TENM2: variants seen among roughly 807,000 people sequenced by gnomAD.
TENM2 encodes the protein teneurin-2.
A neutral mutation model predicts 245.2 loss-of-function variants in TENM2; 52 were observed. The observed-to-expected ratio is 0.21, with a 90% CI of 0.17 to 0.27. TENM2 has a LOEUF of 0.27. Ranked by LOEUF, TENM2 falls within the 10% of genes least tolerant of loss-of-function variation. The pLI is 1.00. For synonymous variants in TENM2, 1,363 were observed against 1,438.9 expected (o/e 0.95, Z 1.19); for missense variants, 3,046 against 3,666.8 (o/e 0.83, Z 4.37).
chr5:167,829,304 C>T (rs997155596), intron 2 of TENM2, among the ~76,000 whole-genome samples: 1 of 152,328 alleles, frequency 6.6e-6, no homozygotes, highest in East Asian at 1.9e-4. Context: ...GCCTCATGTT[C>T]CTGGCTTGCC....
chr5:167,125,285 T>A, the TENM2 span, among the ~76,000 whole-genome samples: 1 of 152,328 alleles, frequency 6.6e-6, no homozygotes, highest in East Asian at 1.9e-4. Flanking sequence ...TTACAGCCAA[T>A]GGAAGAAGCA....
chr5:167,097,169 T>C, the TENM2 span, among the ~76,000 whole-genome samples: 2 of 152,182 alleles, frequency 1.3e-5, no homozygotes, highest in African/African-American at 2.4e-5. Context: ...GCTAGTCTTG[T>C]GGCCTATTGA....
chr5:168,244,377 C>T lies in TENM2; in HGVS notation c.5521-43C>T. On this transcript the variant is annotated intron_variant, in intron 25 of 28. Transcript: ENST00000518659. This position sits in a 1 kb window ranked among gnomAD's most constrained non-coding sequence, Gnocchi z 4.9. ...CTCCACAGAAGCCTGAGCCGGCATG[C>T]CTGGGTGATGTCTTTCAAACAAGGC... is the stretch of plus-strand genomic sequence containing the variant. The T allele has an allele frequency of 2.8e-6, 4 of 1,442,652 alleles. No homozygotes were observed. Among genetic ancestry groups the T allele is most frequent in the Non-Finnish European group, 3.7e-6 (4 of 1,081,920 alleles). 89.4% of individuals were successfully genotyped at this position (1,442,652 alleles called of 1,614,324 possible).
chr5:167,038,824 T>C, the TENM2 span, among the ~76,000 whole-genome samples: 1 of 152,210 alleles, frequency 6.6e-6, no homozygotes, highest in Non-Finnish European at 1.5e-5. Flanking sequence ...GCTTGGAATC[T>C]CCTTGGACTC....
chr5:168,231,408 A>C (rs747754905), intron 25 of TENM2, among the ~76,000 whole-genome samples: 1 of 152,240 alleles, frequency 6.6e-6, no homozygotes, highest in Admixed American at 6.5e-5. Flanking sequence ...CCAAGAGGCC[A>C]AAAAGGGAAT....
chr5:167,801,992 T>G (rs1369371766), intron 2 of TENM2, among the ~76,000 whole-genome samples: 1 of 152,106 alleles, frequency 6.6e-6, no homozygotes, highest in Non-Finnish European at 1.5e-5. Flanking sequence ...AGTCCAAGAT[T>G]AGCGTGCTGG....
At chr5:167,847,338 A>G (rs1770142462) in intron 2 of TENM2, among the ~76,000 whole-genome samples, 1 of 152,230 alleles carries the variant, frequency 6.6e-6, no homozygotes. Flanking sequence ...CTCCACCCAC[A>G]GTGAACTCAC....
the TENM2 span, among the ~76,000 whole-genome samples, chr5:167,266,292 G>A: frequency 6.6e-6 from 1 of 152,128 alleles, no homozygotes; most frequent in Non-Finnish European, 1.5e-5. Context: ...AGAAGGGGGT[G>A]AACACAGAAA....
the TENM2 span, among the ~76,000 whole-genome samples, chr5:167,205,295 C>T: frequency 6.7e-4 from 102 of 152,232 alleles, no homozygotes; most frequent in African/African-American, 2.4e-3. Flanking sequence ...GCACGAGAAT[C>T]GCTTGGACCT....
the TENM2 span, among the ~76,000 whole-genome samples, chr5:167,141,627 C>T: frequency 6.6e-6 from 1 of 152,188 alleles, no homozygotes; most frequent in East Asian, 1.9e-4. Context: ...CATTTTGGGA[C>T]TCTCATAATG....
intron 2 of TENM2, among the ~76,000 whole-genome samples, chr5:167,472,029 A>T (rs2127512981): frequency 6.6e-6 from 1 of 152,294 alleles, no homozygotes; most frequent in Admixed American, 6.5e-5. Flanking sequence ...TCCTTAGACC[A>T]TTAGTGGTTT....
At chr5:168,107,595 C>T (rs563545094) in intron 9 of TENM2, among the ~76,000 whole-genome samples, 4 of 152,172 alleles carry the variant, frequency 2.6e-5, no homozygotes, top group Non-Finnish European at 4.4e-5. Flanking sequence ...GGCCACATTC[C>T]GAGAATGAAG....
chr5:167,086,975 TG>T, the TENM2 span, among the ~76,000 whole-genome samples: 1 of 148,928 alleles, frequency 6.7e-6, no homozygotes, highest in African/African-American at 2.5e-5. Context: ...ACACAGTGCC[TG>T]GGCTCTACCT....
intron 2 of TENM2, among the ~76,000 whole-genome samples, chr5:167,465,557 C>T (rs1450500695): frequency 6.6e-6 from 1 of 152,152 alleles, no homozygotes; most frequent in Non-Finnish European, 1.5e-5. Flanking sequence ...GGGCCGGGCG[C>T]GGTGGCTCAC....
At chr5:168,044,908 TGA>T (rs1393366044) in intron 5 of TENM2, among the ~76,000 whole-genome samples, 2 of 149,552 alleles carry the variant, frequency 1.3e-5, no homozygotes, top group African/African-American at 4.9e-5. Context: ...CTTACTCAAG[TGA>T]GAGAGAAAGA....
Position 167,767,267 on chromosome 5 carries a change from G to T in TENM2, c.503-108719G>T, listed in dbSNP as rs115604103. Reference sequence around the variant, plus strand: ...TACTACAACATGGATGAACCTTGACGATATTATGCCAATTGAAAAAACCAG... The same window carrying T: ...TACTACAACATGGATGAACCTTGACTATATTATGCCAATTGAAAAAACCAG... On this transcript the variant is annotated intron_variant, in intron 2 of 28. Coordinates refer to ENST00000518659, the Ensembl canonical transcript of TENM2. Among the ~76,000 whole-genome samples the T allele has an allele frequency of 7.6e-3, 1,157 of 152,276 alleles. 19 individuals are homozygous for T. Among genetic ancestry groups the T allele is most frequent in the African/African-American group, 0.027 (1,107 of 41,554 alleles).
intron 13 of TENM2, among the ~76,000 whole-genome samples, chr5:168,170,912 G>T (rs1229905404): frequency 2.0e-5 from 3 of 152,050 alleles, no homozygotes; most frequent in Non-Finnish European, 4.4e-5. Context: ...TTTCACCTTG[G>T]CTTAGAGGGC....
intron 6 of TENM2, among the ~76,000 whole-genome samples, chr5:168,050,397 A>C (rs1220032885): frequency 6.6e-6 from 1 of 152,186 alleles, no homozygotes; most frequent in Admixed American, 6.5e-5. Context: ...AGATAACCTG[A>C]ATCAATTCCA....
intron 2 of TENM2, among the ~76,000 whole-genome samples, chr5:167,720,615 G>A (rs939891249): frequency 6.6e-6 from 1 of 152,150 alleles, no homozygotes; most frequent in African/African-American, 2.4e-5. Context: ...TTTGTAAAAG[G>A]ATTCTATTCA....
Sources: allele counts gnomAD v4.1 joint callset (sites outside exome capture counted in the v4.1 genomes callset), GRCh38; gene constraint gnomAD v4.1.1; non-coding constraint Gnocchi (gnomAD v3.1); transcripts MANE v1.5; gene names NCBI Gene and HGNC (gene_info 2026-07-23, HGNC 2026-07-21).